Variants in NUMA1 observed in about 807,000 individuals in gnomAD.
NUMA1 encodes nuclear mitotic apparatus protein 1.
NUMA1 carries 62 observed loss-of-function variants against 237.1 expected under a neutral mutation model. The observed-to-expected ratio is 0.26, with a 90% CI of 0.21 to 0.32. The LOEUF (loss-of-function observed/expected upper bound fraction) is 0.32, where lower values mean the gene tolerates loss of function less well. Among genes scored for constraint, NUMA1 ranks in the 10% least tolerant of loss-of-function variants. NUMA1 has a pLI of 1.00. For missense variants in NUMA1, 2,533 were observed against 2,666.5 expected (o/e 0.95, Z 1.10); for synonymous variants, 1,028 against 1,066.1 (o/e 0.96, Z 0.70).
chr11:72,004,413 TCA>T, intron 24 of NUMA1, 72 bp from the exon 25 acceptor site: 1 of 1,428,488 alleles, frequency 7.0e-7, no homozygotes, highest in Admixed American at 1.8e-5. Flanking sequence ...TCTTGTCCTC[TCA>T]GAGCTGAGTG....
Position 72,003,407 on chromosome 11 carries a change from A to C in NUMA1, c.*120T>G. 1 of 974,656 alleles carries C rather than the reference A, an allele frequency of 1.0e-6. No individual in the cohort carries two copies. The highest frequency in any genetic ancestry group is 2.4e-5 in the East Asian group (1 of 41,840). 60.4% of individuals were successfully genotyped at this position (974,656 alleles called of 1,614,324 possible). A position where few individuals can be genotyped will look rare whatever the true frequency, so the allele number is the denominator to read the frequency against. On this transcript the variant is annotated 3_prime_UTR_variant, in exon 27 of 27. Transcript: ENST00000393695. ...GGTGCGGGCAGGCATCACTGTCTCTAGGGGTTTGGCTACTGTTGGCCTGGG... is the reference window on the plus strand; with the variant it reads ...GGTGCGGGCAGGCATCACTGTCTCTCGGGGTTTGGCTACTGTTGGCCTGGG...
rs74748609 is a variant in NUMA1 at position 72,005,504 on chromosome 11, G to A, written c.5693-135C>T. 6.6e-3 allele frequency: 5,064 copies of A among 771,378 alleles called. 188 individuals carry two copies. In the African/African-American group the frequency reaches 0.078, roughly 12 times the overall value. 47.8% of individuals were successfully genotyped at this position (771,378 alleles called of 1,614,324 possible). A position where few individuals can be genotyped will look rare whatever the true frequency, so the allele number is the denominator to read the frequency against. On this transcript the variant is annotated intron_variant, in intron 22 of 26. Coordinates refer to ENST00000393695, the MANE Select transcript of NUMA1 (RefSeq NM_006185.4). Reference sequence around the variant, plus strand: ...CAGCACACCAGTCTGATTCAGTGCCGCAGGTGCAGGAGTACGGCACACAGA... The same window carrying A: ...CAGCACACCAGTCTGATTCAGTGCCACAGGTGCAGGAGTACGGCACACAGA...
chr11:72,015,457 A>G lies in NUMA1; in HGVS notation c.2046T>C (p.Ser682=), dbSNP rs145314839. Reference sequence around the variant, plus strand: ...CTTTCTCAGTTGCTTTTTGCTGCTCAGACCGCAGCTGCAACTCTAGCTCTG... The same window carrying G: ...CTTTCTCAGTTGCTTTTTGCTGCTCGGACCGCAGCTGCAACTCTAGCTCTG... ...QVAELELQLR[S]EQQKATEKER... Residue 682 remains serine, a synonymous_variant, in exon 15 of 27, where the codon TCT becomes TCC. Coordinates refer to ENST00000393695, the MANE Select transcript of NUMA1 (RefSeq NM_006185.4). The surrounding 1 kb of genome is among the most constrained non-coding windows in gnomAD (Gnocchi z 4.0). The G allele has an allele frequency of 8.2e-4, 1,317 of 1,612,132 alleles. No individual in the cohort carries two copies. The highest frequency in any genetic ancestry group is 1.0e-3 in the Non-Finnish European group (1,220 of 1,180,016).
chr11:72,033,876 T>C (rs1327378513), intron 3 of NUMA1, among the ~76,000 whole-genome samples: 2 of 152,060 alleles, frequency 1.3e-5, no homozygotes, highest in African/African-American at 4.8e-5. Context: ...TAAAACATTG[T>C]ATTTTTTTTG....
chr11:72,022,495 GGACTCTGAGCTATTCCGGT>G (rs932117030), intron 6 of NUMA1, 76 bp from the exon 7 acceptor site: 2 of 997,098 alleles, frequency 2.0e-6, no homozygotes, highest in Admixed American at 3.7e-5. Flanking sequence ...GCTGTTCTGG[GGACTCTGAGCTATTCCGGT>G]GACTCTTCTA....
chr11:72,038,932 C>CT (rs1941361704), intron 2 of NUMA1, among the ~76,000 whole-genome samples: 1 of 152,182 alleles, frequency 6.6e-6, no homozygotes. Context: ...GTAAGGCACC[C>CT]TCTCTTTTCC....
In NUMA1 at chr11:72,015,998, G is replaced by C. The variant is rs544106676; in HGVS notation, c.1505C>G (p.Ser502Cys). Residue 502 changes from serine to cysteine, a missense_variant, in exon 15 of 27, where the codon TCT becomes TGT. Around this residue, in one of 3 missense-constraint regions of NUMA1, gnomAD observed 1,414 missense variants for 1,508.1 expected, o/e 0.94. Coordinates refer to ENST00000393695, the MANE Select transcript of NUMA1 (RefSeq NM_006185.4). The surrounding 1 kb of genome is among the most constrained non-coding windows in gnomAD (Gnocchi z 4.0). ...GAGTGTGGTGAGCTCAGAGGTCAGA[G>C]AGGCCACCTGGGCAGTCAACCGGGC... ...HGARLTAQVA[S>C]LTSELTTLNA... 91 of 1,613,944 alleles carry C rather than the reference G, an allele frequency of 5.6e-5. No individual in the cohort carries two copies. The highest frequency in any genetic ancestry group is 2.2e-4 in the Admixed American group (13 of 60,002).
At position 72,004,692 on chromosome 11, in the gene NUMA1, T is replaced by C. The variant is rs746628839; in HGVS notation, c.5954A>G (p.Gln1985Arg). Residue 1985 changes from glutamine (Q) to arginine (R), a missense_variant, in exon 24 of 27, where the codon CAG (glutamine) becomes CGG (arginine). Physicochemically the swap from Gln to Arg is conservative, Grantham distance 43. Around this residue, in one of 3 missense-constraint regions of NUMA1, gnomAD observed 795 missense variants for 750.8 expected, o/e 1.06. Transcript: ENST00000393695. ...IAEGTGITTR[Q>R]QRKRVSLEPH... is the part of the protein sequence containing the mutation. Reference sequence around the variant, plus strand: ...CTCTAGGGAGACCCGTTTGCGCTGCTGCCGGGTGGTGATGCCAGTGCCCTC... The same window carrying C: ...CTCTAGGGAGACCCGTTTGCGCTGCCGCCGGGTGGTGATGCCAGTGCCCTC... 9.3e-6 allele frequency: 15 copies of C among 1,613,602 alleles called. No individual in the cohort carries two copies. The highest frequency in any genetic ancestry group is 1.3e-5 in the African/African-American group (1 of 74,906).
chr11:72,079,747 A>AT (rs1555045253), intron 1 of NUMA1, among the ~76,000 whole-genome samples: 1 of 141,474 alleles, frequency 7.1e-6, no homozygotes, highest in African/African-American at 2.9e-5. Context: ...ACAAACAAAA[A>AT]TTAAAAAAAA....
At chr11:72,043,354 GTTCTT>G (rs1331955600) in intron 2 of NUMA1, among the ~76,000 whole-genome samples, 2 of 122,788 alleles carry the variant, frequency 1.6e-5, no homozygotes, top group Non-Finnish European at 3.3e-5. Flanking sequence ...GCCAGGCGGA[GTTCTT>G]TTTTTTTTTT....
At chr11:72,069,347 C>T (rs1178607867) in intron 2 of NUMA1, among the ~76,000 whole-genome samples, 1 of 152,144 alleles carries the variant, frequency 6.6e-6, no homozygotes, top group African/African-American at 2.4e-5. Context: ...TAGCAACAGT[C>T]AGGATGAGAA....
intron 2 of NUMA1, among the ~76,000 whole-genome samples, chr11:72,039,510 T>C (rs2135809633): frequency 6.6e-6 from 1 of 152,318 alleles, no homozygotes; most frequent in East Asian, 1.9e-4. Flanking sequence ...TCTCAGCTCA[T>C]GGGCCCTTGC....
chr11:72,066,821 C>T (rs1943222489), intron 2 of NUMA1: 1 of 152,184 alleles, frequency 6.6e-6, no homozygotes, highest in Non-Finnish European at 1.5e-5. Flanking sequence ...AAATCATTTC[C>T]ACTCCAGCAC....
chr11:72,010,393 C>T (rs1956066582), intron 17 of NUMA1, among the ~76,000 whole-genome samples: 1 of 152,378 alleles, frequency 6.6e-6, no homozygotes, highest in South Asian at 2.1e-4. Flanking sequence ...TCTAGACTTA[C>T]ATTGTCCAAA....
chr11:72,035,479 C>T (rs1940909470), intron 3 of NUMA1, among the ~76,000 whole-genome samples: 1 of 149,564 alleles, frequency 6.7e-6, no homozygotes, highest in Non-Finnish European at 1.5e-5. Context: ...GTGATCTCGG[C>T]TCACAGCAAC....
At chr11:72,046,328 T>C (rs1047383939) in intron 2 of NUMA1, among the ~76,000 whole-genome samples, 14 of 152,272 alleles carry the variant, frequency 9.2e-5, no homozygotes, top group Admixed American at 8.5e-4. Context: ...GCGGATCACC[T>C]GAGGTCAGGA....
intron 1 of NUMA1, among the ~76,000 whole-genome samples, chr11:72,079,385 AC>A (rs934415979): frequency 7.2e-5 from 11 of 152,282 alleles, no homozygotes; most frequent in African/African-American, 2.6e-4. Context: ...TACTAAAAAT[AC>A]AAAAGTTAGC....
rs1590994547 is a variant in NUMA1, at chr11:72,035,079, A to G, written c.42+823T>C. 2.6e-5 allele frequency among the ~76,000 whole-genome samples: 4 copies of G among 151,322 alleles called. No individual in the cohort carries two copies. In the South Asian group the frequency reaches 8.4e-4, roughly 32 times the overall value. ...GCCATGTTGCCCAGGCTGGTCTTGA[A>G]CTCTTGGGCTCAAGCAATCCTCCTG... On this transcript the variant is annotated intron_variant, in intron 3 of 26. Coordinates refer to ENST00000393695, the MANE Select transcript of NUMA1 (RefSeq NM_006185.4).
intron 21 of NUMA1, among the ~76,000 whole-genome samples, chr11:72,006,878 G>A (rs1489946696): frequency 2.0e-5 from 3 of 152,202 alleles, no homozygotes; most frequent in Non-Finnish European, 4.4e-5. Flanking sequence ...AGCTGCATGG[G>A]GCATGCTGGG....
Sources: gnomAD v4.1 joint callset for allele counts (sites outside exome capture counted in the v4.1 genomes callset) on GRCh38, gnomAD v4.1.1 for gene constraint, gnomAD v4.1.1 regional missense constraint, Gnocchi (gnomAD v3.1) non-coding constraint, MANE v1.5 for transcripts, NCBI Gene and HGNC (gene_info 2026-07-23, HGNC 2026-07-21) for gene names.